Variants in EMC1 observed in about 807,000 individuals in gnomAD.
The protein encoded by EMC1 is KIAA0090.
A neutral mutation model predicts 128.8 loss-of-function variants in EMC1; 103 were observed. The observed-to-expected ratio is 0.80, with a 90% CI of 0.68 to 0.94. EMC1 has a LOEUF of 0.94. EMC1 is among the 40% of genes least tolerant of loss of function. The probability of loss-of-function intolerance (pLI) is 0.00; values close to 1 mark genes in which losing one functional copy is unlikely to be tolerated. For synonymous variants in EMC1, 442 were observed against 490.4 expected, an observed-to-expected ratio of 0.90 and a Z score of 1.30; for missense variants, 1,083 against 1,250.6, an observed-to-expected ratio of 0.87 and a Z score of 2.02.
rs747803705 is a variant in EMC1 at position 19,231,295 on chromosome 1, G to A, written c.1910C>T (p.Ala637Val). 5 of 1,608,618 alleles carry A rather than the reference G, an allele frequency of 3.1e-6. No individual in the cohort carries two copies. In the South Asian group the frequency reaches 5.5e-5, roughly 18 times the overall value. The change falls in exon 16 of 23, where the codon GCC (alanine) becomes GTC (valine). Residue 637 changes from alanine (A) to valine (V), a missense_variant. Physicochemically the swap from Ala to Val is moderately conservative, Grantham distance 64. This residue lies in a region of EMC1 where 527 missense variants were observed against 644.1 expected (regional missense o/e 0.82). Transcript: ENST00000477853. ...LLLPVMDQDY[A>V]KVLLLIDDEY... ...ATCATCTATCAACAGCAACACCTTG[G>A]CGTAGTCTTGATCCATGACTGGGAG...
Position 19,216,020 on chromosome 1 carries a change from G to A in EMC1, c.*3283C>T, listed in dbSNP as rs1434510286. The A allele has an allele frequency of 6.6e-6, 1 of 152,090 alleles. No individual in the cohort carries two copies. Among genetic ancestry groups the A allele is most frequent in the Non-Finnish European group, 1.5e-5 (1 of 68,032 alleles). The allele number at this position is 152,090 out of a possible 1,614,324, so 9.4% of individuals were successfully genotyped here. ...CAAAATTTTAAATAATTAGGAATCA[G>A]GAAATGAGTCTTGGGATGATTCTGA... On this transcript the variant is annotated 3_prime_UTR_variant, in exon 23 of 23. Coordinates refer to ENST00000477853, the MANE Select transcript of EMC1 (RefSeq NM_015047.3).
At chr1:19,243,923 A>G (rs1572028791) in intron 3 of EMC1, 27 bp downstream of exon 3, 2 of 1,612,832 alleles carry the variant, frequency 1.2e-6, no homozygotes, top group East Asian at 4.5e-5. Context: ...TGGCCGCACA[A>G]TGGAGACACG....
rs970650074 is a variant in EMC1 at position 19,233,927 on chromosome 1, G to C, written c.1433-792C>G. Among the ~76,000 whole-genome samples the C allele has an allele frequency of 2.0e-5, 3 of 152,220 alleles. No homozygotes were observed. The South Asian group carries it at 6.2e-4, about 32-fold the overall frequency. ...ATACGATGTACATAAAGGATTTAGC[G>C]TGGTGGCTGGTACATGGTAATAACT... On this transcript the variant is annotated intron_variant, in intron 13 of 22. Transcript: ENST00000477853.
At chr1:19,228,864 C>A (rs914024640) in intron 17 of EMC1, among the ~76,000 whole-genome samples, 1 of 152,078 alleles carries the variant, frequency 6.6e-6, no homozygotes, top group African/African-American at 2.4e-5. Context: ...CCAGCCTGGT[C>A]AACATGGTGA....
At chr1:19,240,959 T>C (rs1163564253) in intron 6 of EMC1, 57 bp downstream of exon 6, 19 of 1,586,038 alleles carry the variant, frequency 1.2e-5, no homozygotes, top group Admixed American at 3.5e-5. Flanking sequence ...TACAAAGAAA[T>C]CTATCAAGTC....
intron 5 of EMC1, 96 bp from the exon 6 acceptor site, chr1:19,241,238 G>C: frequency 7.0e-7 from 1 of 1,419,320 alleles, no homozygotes; most frequent in Non-Finnish European, 9.6e-7. Flanking sequence ...TCACAAACTA[G>C]TAATTCCCAA....
rs1281684022 is a variant in EMC1, at chr1:19,232,954, C to T, written c.1614G>A (p.Met538Ile). The change falls in exon 14 of 23, where the codon ATG (methionine) becomes ATA (isoleucine). Residue 538 changes from methionine to isoleucine, a missense_variant. Physicochemically the swap from Met to Ile is conservative, Grantham distance 10 (BLOSUM62 1). Coordinates refer to ENST00000477853, the MANE Select transcript of EMC1 (RefSeq NM_015047.3). ...CACTCACCTTGCCTGAGGCTGTTACCATCACCATCATCTTCTGGAGGTTGA... is the reference window on the plus strand; with the variant it reads ...CACTCACCTTGCCTGAGGCTGTTACTATCACCATCATCTTCTGGAGGTTGA... ...DEFNLQKMMVMVTASGKLFGI... is the reference protein window; with the variant it reads ...DEFNLQKMMVIVTASGKLFGI... 6.2e-7 allele frequency: 1 copy of T among 1,614,130 alleles called. No individual in the cohort carries two copies. Among genetic ancestry groups the T allele is most frequent in the Non-Finnish European group, 8.5e-7 (1 of 1,179,996 alleles).
At chr1:19,236,000 A>G (rs2093560680) in intron 12 of EMC1, among the ~76,000 whole-genome samples, 1 of 152,208 alleles carries the variant, frequency 6.6e-6, no homozygotes, top group Non-Finnish European at 1.5e-5. Context: ...AAAAGGAGAA[A>G]TGGCAGAGCA....
chr1:19,239,278 T>C lies in EMC1; in HGVS notation c.979A>G (p.Thr327Ala). ...PQTALVSFAT[T>A]GEKTVAAVMA... Reference sequence around the variant, plus strand: ...ACTGCAGCCACCGTCTTCTCCCCAGTGGTGGCAAAGCTCACTAGGGCAGTC... The same window carrying C: ...ACTGCAGCCACCGTCTTCTCCCCAGCGGTGGCAAAGCTCACTAGGGCAGTC... The change falls in exon 9 of 23, where the codon ACT becomes GCT. Residue 327 changes from threonine (T) to alanine (A), a missense_variant. By Grantham distance (58) the Thr-to-Ala change is moderately conservative. Coordinates refer to ENST00000477853, the MANE Select transcript of EMC1 (RefSeq NM_015047.3). 1.2e-6 allele frequency: 2 copies of C among 1,614,146 alleles called. No individual in the cohort carries two copies. Among genetic ancestry groups the C allele is most frequent in the Non-Finnish European group, 8.5e-7 (1 of 1,180,002 alleles).
Position 19,242,311 on chromosome 1 carries a change from G to A in EMC1, c.509+34C>T, listed in dbSNP as rs545197225. On this transcript the variant is annotated intron_variant, in intron 5 of 22. Transcript: ENST00000477853. The stretch of plus-strand genomic sequence containing the variant: ...AAGAGGAGCTCCTAGAGAGTAGAAC[G>A]AGGCAGCTATTGCCTGTGAGCAGGC... 3.3e-4 allele frequency: 536 copies of A among 1,613,286 alleles called. 3 individuals carry two copies. The East Asian group carries it at 7.8e-3, about 23-fold the overall frequency.
In EMC1 at chr1:19,251,466, A is replaced by G; in HGVS notation, c.44T>C (p.Leu15Pro). The G allele has an allele frequency of 6.2e-7, 1 of 1,614,178 alleles. No homozygotes were observed. Among genetic ancestry groups the G allele is most frequent in the Non-Finnish European group, 8.5e-7 (1 of 1,180,050 alleles). The change falls in exon 1 of 23, where the codon CTG becomes CCG. Residue 15 changes from leucine to proline, a missense_variant. This residue lies in a region of EMC1 where 544 missense variants were observed against 572.4 expected (regional missense o/e 0.95). Coordinates refer to ENST00000477853, the MANE Select transcript of EMC1 (RefSeq NM_015047.3). ...WASRFWLWAT[L>P]LIPAAAVYED... Reference sequence around the variant, plus strand: ...GTAGACCGCGGCCGCAGGAATCAGCAGCGTAGCCCAAAGCCAGAAACGAGA... The same window carrying G: ...GTAGACCGCGGCCGCAGGAATCAGCGGCGTAGCCCAAAGCCAGAAACGAGA...
intron 20 of EMC1, chr1:19,221,102 T>C (rs189590967): frequency 9.7e-6 from 3 of 309,442 alleles, no homozygotes; most frequent in East Asian, 6.0e-5. Flanking sequence ...ATATGGATAA[T>C]GATGAAAGAG....
chr1:19,237,064 C>G, intron 12 of EMC1, 78 bp downstream of exon 12: 2 of 1,041,696 alleles, frequency 1.9e-6, no homozygotes, highest in Middle Eastern at 2.0e-4. Flanking sequence ...AACCTGCAGC[C>G]TCCCAAAAAA....
intron 4 of EMC1, among the ~76,000 whole-genome samples, chr1:19,242,799 T>C (rs1348936219): frequency 6.6e-6 from 1 of 152,232 alleles, no homozygotes; most frequent in Non-Finnish European, 1.5e-5. Context: ...GCTACCTGCC[T>C]GCCTCCCAAT....
In EMC1 at chr1:19,240,900, G is replaced by A. The variant is rs2093601831; in HGVS notation, c.636+116C>T. 3.4e-6 allele frequency: 4 copies of A among 1,165,030 alleles called. No homozygotes were observed. The Admixed American group carries it at 8.7e-5, about 25-fold the overall frequency. The allele number at this position is 1,165,030 out of a possible 1,614,324, so 72.2% of individuals were successfully genotyped here. On this transcript the variant is annotated intron_variant, in intron 6 of 22. Coordinates refer to ENST00000477853, the MANE Select transcript of EMC1 (RefSeq NM_015047.3). The stretch of plus-strand genomic sequence containing the variant: ...CAGCTGGCAAGTGACCAGAATGAGG[G>A]AGCATAAGTAGCTTTTGCATCTGCC...
Position 19,242,350 on chromosome 1 carries a change from T to A in EMC1, c.504A>T (p.Pro168=). 5 of 1,614,204 alleles carry A rather than the reference T, an allele frequency of 3.1e-6. No individual in the cohort carries two copies. Among genetic ancestry groups the A allele is most frequent in the Non-Finnish European group, 4.2e-6 (5 of 1,180,036 alleles). Residue 168 remains proline (P), a synonymous_variant, in exon 5 of 23, where the codon CCA becomes CCT. Transcript: ENST00000477853. The stretch of plus-strand genomic sequence containing the variant: ...CTGTGAGCAGGCAGCCTTACCTTTC[T>A]GGGAGATGTTCCACCCACTTGAGGT... ...SGHLKWVEHL[P]ESDSIHYQMV...
intron 1 of EMC1, among the ~76,000 whole-genome samples, chr1:19,246,926 TTA>T (rs1211855875): frequency 1.3e-5 from 2 of 152,198 alleles, no homozygotes; most frequent in African/African-American, 4.8e-5. Context: ...AAAAATGTAA[TTA>T]TGTTTTAATA....
chr1:19,238,181 G>A (rs757856374), intron 10 of EMC1, 42 bp from the exon 11 acceptor site: 33 of 1,603,148 alleles, frequency 2.1e-5, no homozygotes, highest in African/African-American at 2.0e-4. Context: ...GGTATCCCCC[G>A]AAAGCAAAGC....
rs181346237 is a variant in EMC1 at position 19,239,694 on chromosome 1, C to T, written c.954+124G>A. On this transcript the variant is annotated intron_variant, in intron 8 of 22. Transcript: ENST00000477853. Reference sequence around the variant, plus strand: ...TACCTACCCCCTCTCAAACCACTTACGGGAAGGTGTCATCAATCTTGGGCC... The same window carrying T: ...TACCTACCCCCTCTCAAACCACTTATGGGAAGGTGTCATCAATCTTGGGCC... 35 of 955,278 alleles carry T rather than the reference C, an allele frequency of 3.7e-5. 1 individual carries two copies. Among genetic ancestry groups the T allele is most frequent in the East Asian group, 3.5e-4 (14 of 40,480 alleles). 59.2% of individuals were successfully genotyped at this position (955,278 alleles called of 1,614,324 possible). A position where few individuals can be genotyped will look rare whatever the true frequency, so the allele number is the denominator to read the frequency against.
Sources: gnomAD v4.1 joint callset for allele counts (sites outside exome capture counted in the v4.1 genomes callset) on GRCh38, gnomAD v4.1.1 for gene constraint, gnomAD v4.1.1 regional missense constraint, MANE v1.5 for transcripts, NCBI Gene and HGNC (gene_info 2026-07-23, HGNC 2026-07-21) for gene names.